Variants in PCDH15 observed in about 807,000 individuals in gnomAD.
PCDH15 encodes protocadherin-15.
A neutral mutation model predicts 178.5 loss-of-function variants in PCDH15; 129 were observed. The observed-to-expected ratio is 0.72, with a 90% CI of 0.63 to 0.84. The LOEUF is 0.84. PCDH15 is among the 40% of genes least tolerant of loss of function. The pLI is 0.00. For synonymous variants in PCDH15, 800 were observed against 732.0 expected (o/e 1.09, Z -1.50); for missense variants, 2,230 against 2,099.9 (o/e 1.06, Z -1.21).
chr10:54,853,308 T>TACAC (rs1360034030), intron 3 of PCDH15, among the ~76,000 whole-genome samples: 3 of 103,056 alleles, frequency 2.9e-5, no homozygotes, highest in African/African-American at 8.4e-5. Flanking sequence ...TATATATATA[T>TACAC]ATATATATAT....
intron 9 of PCDH15, 21 bp downstream of exon 9, chr10:54,236,802 A>C: frequency 6.4e-7 from 1 of 1,555,506 alleles, no homozygotes. Context: ...CTGATAGTGT[A>C]AAATGTTATC....
chr10:55,328,188 C>T (rs1456497051), intron 2 of PCDH15, among the ~76,000 whole-genome samples: 1 of 151,682 alleles, frequency 6.6e-6, no homozygotes, highest in Non-Finnish European at 1.5e-5. Flanking sequence ...CACATACACA[C>T]ATACACACTA....
intron 2 of PCDH15, among the ~76,000 whole-genome samples, chr10:55,046,432 A>G (rs769515023): frequency 1.3e-4 from 20 of 152,064 alleles, no homozygotes; most frequent in Non-Finnish European, 2.4e-4. Flanking sequence ...GCTTTGGGTA[A>G]TGAAAATTTC....
chr10:53,932,465 T>C (rs894175781), intron 25 of PCDH15, among the ~76,000 whole-genome samples: 31 of 152,222 alleles, frequency 2.0e-4, no homozygotes, highest in African/African-American at 7.5e-4. Flanking sequence ...TTATCTGATA[T>C]GTCTCAAACA....
chr10:53,891,877 G>T (rs2081578929), intron 26 of PCDH15, among the ~76,000 whole-genome samples: 1 of 151,930 alleles, frequency 6.6e-6, no homozygotes, highest in South Asian at 2.1e-4. Flanking sequence ...GCTGAGGCAG[G>T]GGAATTGCTT....
chr10:55,452,932 G>A (rs377223336), intron 2 of PCDH15, among the ~76,000 whole-genome samples: 2 of 152,128 alleles, frequency 1.3e-5, no homozygotes, highest in African/African-American at 4.8e-5. Context: ...TTACCTAGAA[G>A]AGGCCTTGGA....
chr10:54,482,808 G>A (rs566205398), intron 3 of PCDH15, among the ~76,000 whole-genome samples: 19 of 151,930 alleles, frequency 1.3e-4, no homozygotes, highest in African/African-American at 3.9e-4. Context: ...GCAGTGGCGA[G>A]GTAGTGAATA....
intron 2 of PCDH15, among the ~76,000 whole-genome samples, chr10:55,455,840 C>T (rs1839539303): frequency 6.6e-6 from 1 of 152,064 alleles, no homozygotes; most frequent in East Asian, 1.9e-4. Context: ...CAGTAGAGGA[C>T]TTGTTTTAAG....
intron 21 of PCDH15, among the ~76,000 whole-genome samples, chr10:53,962,643 A>C (rs1044834420): frequency 1.1e-4 from 16 of 152,206 alleles, no homozygotes; most frequent in African/African-American, 3.9e-4. Context: ...TTTAGAGCTA[A>C]GGAACTTGTG....
intron 2 of PCDH15, among the ~76,000 whole-genome samples, chr10:54,954,037 A>G (rs148287566): frequency 2.5e-4 from 38 of 151,342 alleles, no homozygotes; most frequent in African/African-American, 8.9e-4. Flanking sequence ...AATATTTAAG[A>G]ATCAATGGAA....
intron 13 of PCDH15, among the ~76,000 whole-genome samples, chr10:54,171,980 C>T (rs1211362734): frequency 6.6e-6 from 1 of 150,848 alleles, no homozygotes; most frequent in African/African-American, 2.4e-5. Context: ...TCCATACCAC[C>T]CCCCAAAAAT....
intron 2 of PCDH15, among the ~76,000 whole-genome samples, chr10:55,127,110 C>T (rs1448870777): frequency 6.6e-6 from 1 of 152,010 alleles, no homozygotes; most frequent in Non-Finnish European, 1.5e-5. Flanking sequence ...AATCTCACTA[C>T]TCATGTGCTT....
At chr10:55,350,268 TACAC>T (rs766450240) in intron 2 of PCDH15, among the ~76,000 whole-genome samples, 5,236 of 55,228 alleles carry the variant, frequency 0.095, 279 homozygotes, top group Non-Finnish European at 0.11. Flanking sequence ...TATATATATA[TACAC>T]ACACACACAC....
chr10:54,150,758 G>A lies in PCDH15; in HGVS notation c.1784+2342C>T, dbSNP rs1034839900. 1.4e-4 allele frequency among the ~76,000 whole-genome samples: 22 copies of A among 151,896 alleles called. No homozygotes were observed. The East Asian group carries it at 3.1e-3, about 21-fold the overall frequency. ...ATTATAGTTATTAATTATTTTGGGG[G>A]ATTTCTTGTGTTTTTATTTGTTTCT... On this transcript the variant is annotated intron_variant, in intron 14 of 37. Transcript: ENST00000644397.
chr10:55,156,590 G>A (rs527836858), intron 2 of PCDH15, among the ~76,000 whole-genome samples: 3 of 152,188 alleles, frequency 2.0e-5, no homozygotes, highest in African/African-American at 2.4e-5. Flanking sequence ...ATATACCTAC[G>A]TGCACATGTA....
intron 6 of PCDH15, among the ~76,000 whole-genome samples, chr10:54,338,812 C>T (rs1277060518): frequency 1.3e-5 from 2 of 152,000 alleles, no homozygotes; most frequent in African/African-American, 4.8e-5. Flanking sequence ...TCCTCCTTAT[C>T]ACTTTAGGTC....
chr10:54,551,358 A>C (rs2086591914), intron 2 of PCDH15, among the ~76,000 whole-genome samples: 1 of 152,066 alleles, frequency 6.6e-6, no homozygotes, highest in Non-Finnish European at 1.5e-5. Context: ...AAGGGATGTT[A>C]ATCTAGAAAT....
At chr10:54,744,907 T>G (rs1945263728) in intron 1 of PCDH15, among the ~76,000 whole-genome samples, 1 of 152,106 alleles carries the variant, frequency 6.6e-6, no homozygotes, top group Non-Finnish European at 1.5e-5. Context: ...AGCAAAAACA[T>G]TTTATCTTTG....
chr10:54,228,114 G>C (rs2053651176), intron 9 of PCDH15, among the ~76,000 whole-genome samples: 1 of 152,000 alleles, frequency 6.6e-6, no homozygotes, highest in Non-Finnish European at 1.5e-5. Context: ...TCTCTTTTCA[G>C]CAACACCCCA....
Sources: gnomAD v4.1 joint callset for allele counts (sites outside exome capture counted in the v4.1 genomes callset) on GRCh38, gnomAD v4.1.1 for gene constraint, MANE v1.5 for transcripts, NCBI Gene and HGNC (gene_info 2026-07-23, HGNC 2026-07-21) for gene names.